ANO10: variants seen among roughly 807,000 people sequenced by gnomAD.
ANO10 encodes anoctamin-10.
A neutral mutation model predicts 74.7 loss-of-function variants in ANO10; 77 were observed. The ratio of observed to expected loss-of-function variants is 1.03; its 90% CI spans 0.86 to 1.25. ANO10 has a LOEUF of 1.25. Ranked by LOEUF, ANO10 falls within the 50% of genes most tolerant of loss-of-function variation. The pLI is 0.00. For synonymous variants in ANO10, 279 were observed against 284.9 expected, an observed-to-expected ratio of 0.98 and a Z score of 0.21; for missense variants, 721 against 778.1, an observed-to-expected ratio of 0.93 and a Z score of 0.87.
At chr3:43,544,980 TA>T (rs2079117391) in intron 11 of ANO10, among the ~76,000 whole-genome samples, 1 of 152,176 alleles carries the variant, frequency 6.6e-6, no homozygotes, top group African/African-American at 2.4e-5. Flanking sequence ...TTTGTTCTGT[TA>T]ACAAATTCTA....
chr3:43,608,020 A>AG (rs1286066419), intron 1 of ANO10, among the ~76,000 whole-genome samples: 1 of 152,190 alleles, frequency 6.6e-6, no homozygotes, highest in African/African-American at 2.4e-5. Context: ...AGGAACTAAA[A>AG]GGGGGAGGTA....
chr3:43,526,258 TATC>T (rs1321959744), intron 11 of ANO10, among the ~76,000 whole-genome samples: 4 of 152,232 alleles, frequency 2.6e-5, no homozygotes, highest in Non-Finnish European at 5.9e-5. Flanking sequence ...AATCTTTAAA[TATC>T]TTTATATTTT....
intron 12 of ANO10, among the ~76,000 whole-genome samples, chr3:43,399,680 A>G (rs897690203): frequency 8.5e-5 from 13 of 152,190 alleles, no homozygotes; most frequent in African/African-American, 2.9e-4. Context: ...TAGACTGCAT[A>G]TAACAGTCAA....
At chr3:43,664,262 C>T (rs538324206) in intron 1 of ANO10, among the ~76,000 whole-genome samples, 2 of 152,112 alleles carry the variant, frequency 1.3e-5, no homozygotes, top group Non-Finnish European at 2.9e-5. Flanking sequence ...ACAAACCTGA[C>T]ACACACAAGC....
rs141623159 is a variant in ANO10, at chr3:43,400,624, A to C, written c.1914+31987T>G. On this transcript the variant is annotated intron_variant, in intron 12 of 12. Coordinates refer to ENST00000292246, the MANE Select transcript of ANO10 (RefSeq NM_018075.5). ...CTCTGTCTCTAAAAAACAAAAACAA[A>C]AACAAAATAGCCAGGCATGGTGGCG... Among the ~76,000 whole-genome samples the C allele has an allele frequency of 8.0e-3, 1,212 of 152,110 alleles. 9 individuals are homozygous for C. The highest frequency in any genetic ancestry group is 0.011 in the Non-Finnish European group (762 of 67,988).
chr3:43,542,097 G>A (rs1442445714), intron 11 of ANO10, among the ~76,000 whole-genome samples: 1 of 152,166 alleles, frequency 6.6e-6, no homozygotes, highest in Non-Finnish European at 1.5e-5. Context: ...AAAAAGATCT[G>A]CTGTAAAAGT....
intron 11 of ANO10, among the ~76,000 whole-genome samples, chr3:43,457,150 A>G (rs1432168756): frequency 6.6e-6 from 1 of 152,246 alleles, no homozygotes; most frequent in African/African-American, 2.4e-5. Flanking sequence ...ACTAGATAAA[A>G]AAGACTCCTT....
chr3:43,663,321 C>T (rs2083948647), intron 1 of ANO10, among the ~76,000 whole-genome samples: 1 of 152,110 alleles, frequency 6.6e-6, no homozygotes, highest in Non-Finnish European at 1.5e-5. Flanking sequence ...GCAGAAAAGG[C>T]CTTCAACAAA....
chr3:43,573,685 G>GA (rs1426182760), intron 7 of ANO10, among the ~76,000 whole-genome samples: 2 of 152,148 alleles, frequency 1.3e-5, no homozygotes, highest in Non-Finnish European at 2.9e-5. Context: ...AATAATGGTA[G>GA]AAAGAGGCAC....
At chr3:43,505,692 G>A (rs2077268677) in intron 11 of ANO10, among the ~76,000 whole-genome samples, 1 of 152,146 alleles carries the variant, frequency 6.6e-6, no homozygotes, top group South Asian at 2.1e-4. Context: ...ACACATTCAC[G>A]AAGTCAAGAA....
intron 7 of ANO10, among the ~76,000 whole-genome samples, chr3:43,572,967 C>T (rs905780311): frequency 2.7e-5 from 4 of 150,028 alleles, no homozygotes; most frequent in Non-Finnish European, 4.4e-5. Context: ...TAAGAAGCAC[C>T]GTGGAGGAAG....
At chr3:43,580,546 T>A (rs1402470218) in intron 4 of ANO10, 74 bp from the exon 5 acceptor site, 9 of 1,579,654 alleles carry the variant, frequency 5.7e-6, no homozygotes, top group Admixed American at 3.4e-5. Flanking sequence ...GCAAATACTA[T>A]AAGGACACTC....
At chr3:43,645,806 C>T (rs1286633504) in intron 1 of ANO10, among the ~76,000 whole-genome samples, 1 of 152,034 alleles carries the variant, frequency 6.6e-6, no homozygotes, top group Admixed American at 6.6e-5. Flanking sequence ...GTATCTCTGC[C>T]TGGTGTTTTT....
intron 1 of ANO10, among the ~76,000 whole-genome samples, chr3:43,630,579 C>T (rs1003464286): frequency 2.0e-5 from 3 of 152,122 alleles, no homozygotes; most frequent in Non-Finnish European, 4.4e-5. Flanking sequence ...AACATTGCTG[C>T]CCCTCAAATG....
chr3:43,526,056 A>C (rs2078182609), intron 11 of ANO10, among the ~76,000 whole-genome samples: 1 of 152,238 alleles, frequency 6.6e-6, no homozygotes, highest in Non-Finnish European at 1.5e-5. Flanking sequence ...TATTAAGTAA[A>C]AAAGTCATTA....
intron 11 of ANO10, among the ~76,000 whole-genome samples, chr3:43,545,124 G>A (rs891095507): frequency 1.4e-4 from 21 of 152,004 alleles, no homozygotes; most frequent in Non-Finnish European, 2.9e-4. Flanking sequence ...CATTTTTTGA[G>A]TTAGTAAAAT....
chr3:43,674,601 A>G (rs1422047374), intron 1 of ANO10, among the ~76,000 whole-genome samples: 2 of 152,218 alleles, frequency 1.3e-5, no homozygotes, highest in Non-Finnish European at 2.9e-5. Flanking sequence ...CAAATGTCAC[A>G]GTTTGGGTTC....
At chr3:43,683,303 C>A (rs2084226611) in intron 1 of ANO10, among the ~76,000 whole-genome samples, 1 of 152,046 alleles carries the variant, frequency 6.6e-6, no homozygotes, top group Non-Finnish European at 1.5e-5. Context: ...AAACTGAGAG[C>A]CAAATCATGA....
At chr3:43,458,995 T>C (rs1330124656) in intron 11 of ANO10, among the ~76,000 whole-genome samples, 1 of 152,192 alleles carries the variant, frequency 6.6e-6, no homozygotes, top group Non-Finnish European at 1.5e-5. Context: ...TCAATGTCTC[T>C]ACAACAGTAA....
Sources: allele counts gnomAD v4.1 joint callset (sites outside exome capture counted in the v4.1 genomes callset), GRCh38; gene constraint gnomAD v4.1.1; transcripts MANE v1.5; gene names NCBI Gene and HGNC (gene_info 2026-07-23, HGNC 2026-07-21).